The following SPAG16 variants were observed in gnomAD, a reference collection of about 807,000 sequenced individuals.
SPAG16 encodes the protein sperm-associated antigen 16 protein.
Under a neutral mutation model 80.4 loss-of-function variants are expected in SPAG16, and 86 were observed. That is an observed-to-expected ratio of 1.07 (90% CI 0.90 to 1.28). SPAG16 has a LOEUF of 1.28. Ranked by LOEUF, SPAG16 falls within the 50% of genes most tolerant of loss-of-function variation. The pLI is 0.00. For synonymous variants in SPAG16, 294 were observed against 265.9 expected (o/e 1.11, Z -1.03); for missense variants, 870 against 765.3 (o/e 1.14, Z -1.61).
chr2:214,290,844 G>A (rs1432513927), intron 15 of SPAG16, among the ~76,000 whole-genome samples: 1 of 152,166 alleles, frequency 6.6e-6, no homozygotes, highest in Non-Finnish European at 1.5e-5. Flanking sequence ...TGAGAAGAAT[G>A]TATATTTTGT....
intron 13 of SPAG16, among the ~76,000 whole-genome samples, chr2:214,055,182 C>A (rs572020814): frequency 1.2e-4 from 18 of 152,198 alleles, no homozygotes; most frequent in Admixed American, 7.9e-4. Context: ...AGGAAAAACT[C>A]ACCAAATTCC....
At chr2:214,087,690 A>C (rs886097553) in intron 13 of SPAG16, among the ~76,000 whole-genome samples, 1 of 152,154 alleles carries the variant, frequency 6.6e-6, no homozygotes, top group East Asian at 1.9e-4. Context: ...GCAGGAATTA[A>C]CCAGGGAATT....
At chr2:213,391,626 C>G (rs1269498109) in intron 9 of SPAG16, among the ~76,000 whole-genome samples, 1 of 152,078 alleles carries the variant, frequency 6.6e-6, no homozygotes, top group Non-Finnish European at 1.5e-5. Flanking sequence ...GTGCTTATAA[C>G]AGGATTTAGA....
chr2:214,329,523 C>T (rs987266310), intron 15 of SPAG16, among the ~76,000 whole-genome samples: 5 of 152,054 alleles, frequency 3.3e-5, no homozygotes, highest in African/African-American at 1.2e-4. Flanking sequence ...TGATTGTATA[C>T]ATTACTTTAT....
At chr2:213,876,764 A>G (rs750210896) in intron 11 of SPAG16, among the ~76,000 whole-genome samples, 58 of 152,026 alleles carry the variant, frequency 3.8e-4, no homozygotes, top group Admixed American at 9.8e-4. Context: ...TTATAACTCC[A>G]CATCTAGAAC....
At chr2:214,102,001 G>A (rs1159198383) in intron 13 of SPAG16, among the ~76,000 whole-genome samples, 5 of 151,952 alleles carry the variant, frequency 3.3e-5, no homozygotes, top group Non-Finnish European at 4.4e-5. Flanking sequence ...CAAAGGTGTT[G>A]GGGAATAAGA....
chr2:213,424,649 AT>A (rs1455810734), intron 9 of SPAG16, among the ~76,000 whole-genome samples: 9 of 152,252 alleles, frequency 5.9e-5, no homozygotes, highest in African/African-American at 2.2e-4. Context: ...GGCATAAAAA[AT>A]AAATAGTACA....
chr2:214,009,289 C>T (rs928915955), intron 12 of SPAG16, among the ~76,000 whole-genome samples: 1 of 152,126 alleles, frequency 6.6e-6, no homozygotes, highest in Non-Finnish European at 1.5e-5. Context: ...TGCTTCTCAA[C>T]TCAGTGAAAC....
At chr2:213,515,519 AAT>A (rs563591569) in intron 10 of SPAG16, among the ~76,000 whole-genome samples, 73 of 152,276 alleles carry the variant, frequency 4.8e-4, no homozygotes, top group African/African-American at 1.8e-3. Flanking sequence ...GTGAGTAAAA[AAT>A]GTTTTTGAAA....
intron 11 of SPAG16, among the ~76,000 whole-genome samples, chr2:213,928,904 T>TACACACACACACAC (rs71063798): frequency 1.4e-5 from 2 of 142,978 alleles, no homozygotes; most frequent in African/African-American, 2.7e-5. Context: ...CAGCTGATGT[T>TACACACACACACAC]ACACACACAC....
At chr2:213,951,464 G>T (rs1238896324) in intron 12 of SPAG16, among the ~76,000 whole-genome samples, 1 of 152,096 alleles carries the variant, frequency 6.6e-6, no homozygotes, top group Non-Finnish European at 1.5e-5. Flanking sequence ...ACATAGCAGA[G>T]CCTGCCATGA....
intron 15 of SPAG16, among the ~76,000 whole-genome samples, chr2:214,392,198 C>A (rs1009347388): frequency 1.3e-5 from 2 of 152,030 alleles, no homozygotes; most frequent in African/African-American, 4.8e-5. Context: ...GGTTTCACTC[C>A]CATCACCCAG....
chr2:213,719,811 A>G (rs973481360), intron 10 of SPAG16, among the ~76,000 whole-genome samples: 5 of 152,166 alleles, frequency 3.3e-5, no homozygotes, highest in Admixed American at 2.6e-4. Context: ...CAGAAATACC[A>G]TTTGACCCAG....
intron 10 of SPAG16, among the ~76,000 whole-genome samples, chr2:213,593,086 C>T (rs1234072410): frequency 6.6e-6 from 1 of 150,408 alleles, no homozygotes; most frequent in African/African-American, 2.4e-5. Context: ...TATATTTTTA[C>T]TTGTAGAGAA....
intron 10 of SPAG16, among the ~76,000 whole-genome samples, chr2:213,852,297 G>A (rs1415962735): frequency 6.6e-6 from 1 of 152,080 alleles, no homozygotes; most frequent in Non-Finnish European, 1.5e-5. Flanking sequence ...TTCTTCTCTT[G>A]TTTCTTACTT....
chr2:213,402,926 C>A (rs891243474), intron 9 of SPAG16, among the ~76,000 whole-genome samples: 3 of 152,122 alleles, frequency 2.0e-5, no homozygotes, highest in African/African-American at 7.2e-5. Flanking sequence ...GATTTATAAT[C>A]CTTTGGGTAT....
At chr2:213,939,135 AT>A (rs1450494353) in intron 12 of SPAG16, among the ~76,000 whole-genome samples, 1 of 152,052 alleles carries the variant, frequency 6.6e-6, no homozygotes, top group Non-Finnish European at 1.5e-5. Context: ...TCCCTTCCTG[AT>A]TTTTTCCATA....
At chr2:213,638,648 G>C (rs1262242623) in intron 10 of SPAG16, among the ~76,000 whole-genome samples, 2 of 152,124 alleles carry the variant, frequency 1.3e-5, no homozygotes, top group Admixed American at 1.3e-4. Context: ...ATTGAGACTT[G>C]TTTTGTGGCC....
At chr2:213,385,547 T>C (rs1424349004) in intron 9 of SPAG16, among the ~76,000 whole-genome samples, 1 of 152,190 alleles carries the variant, frequency 6.6e-6, no homozygotes, top group African/African-American at 2.4e-5. Flanking sequence ...ATTACTTACC[T>C]GAATAGGTTT....
Sources: gnomAD v4.1 joint callset for allele counts (sites outside exome capture counted in the v4.1 genomes callset) on GRCh38, gnomAD v4.1.1 for gene constraint, MANE v1.5 for transcripts, NCBI Gene and HGNC (gene_info 2026-07-23, HGNC 2026-07-21) for gene names.